The following CLCN5 variants were observed in gnomAD, a reference collection of about 807,000 sequenced individuals.
CLCN5 encodes the protein Cl-/H+ antiporter 5.
In CLCN5, 17 loss-of-function variants were observed where a neutral mutation model predicts 54.0. That is an observed-to-expected ratio of 0.31 (90% CI 0.22 to 0.47). The LOEUF (loss-of-function observed/expected upper bound fraction) is 0.47. Among genes scored for constraint, CLCN5 ranks in the 20% least tolerant of loss-of-function variants. The probability of loss-of-function intolerance (pLI) is 1.00; values close to 1 mark genes in which losing one functional copy is unlikely to be tolerated. For missense variants in CLCN5, 448 were observed against 646.7 expected (o/e 0.69, Z 3.33); for synonymous variants, 222 against 233.0 (o/e 0.95, Z 0.43).
chrX:49,948,449 GT>G (rs1232693575), intron 3 of CLCN5, among the ~76,000 whole-genome samples: 8 of 106,058 alleles, frequency 7.5e-5, no homozygotes, highest in Middle Eastern at 4.9e-3. Context: ...TGGTTGATGT[GT>G]TTTTTTTTTA....
Position 50,086,805 on chromosome X carries a change from A to G in CLCN5, c.1492A>G (p.Met498Val). The G allele has an allele frequency of 5.8e-6, 7 of 1,211,258 alleles. No homozygotes were observed. The highest frequency in any genetic ancestry group is 7.8e-6 in the Non-Finnish European group (7 of 895,304). Residue 498 changes from methionine to valine, a missense_variant, in exon 11 of 15, where the codon ATG (methionine) becomes GTG (valine). Transcript: ENST00000376091. The part of the protein sequence containing the change: ...RPAGVGVYSA[M>V]WQLALTLILK... The stretch of plus-strand genomic sequence containing the variant: ...GGCTGGCGTGGGAGTCTACAGTGCA[A>G]TGTGGCAGCTGGCTTTAACACTCAT...
intron 3 of CLCN5, among the ~76,000 whole-genome samples, chrX:50,031,305 T>A (rs1221251221): frequency 1.8e-5 from 2 of 111,740 alleles, no homozygotes; most frequent in African/African-American, 6.5e-5. Flanking sequence ...AAATATTAGT[T>A]TATTTGCTTC....
At chrX:50,070,120 A>T in intron 5 of CLCN5, 90 bp downstream of exon 5, 1 of 890,985 alleles carries the variant, frequency 1.1e-6, no homozygotes, top group Non-Finnish European at 1.6e-6. Flanking sequence ...TCCTTTCTTC[A>T]GCCCTGGATG....
At position 50,044,946 on chromosome X, in the gene CLCN5, A is replaced by T. The variant is rs1015482034; in HGVS notation, c.163+2484A>T. 4.5e-5 allele frequency among the ~76,000 whole-genome samples: 5 copies of T among 111,428 alleles called. No individual in the cohort carries two copies. In the Admixed American group the frequency reaches 4.8e-4, roughly 11 times the overall value. On this transcript the variant is annotated intron_variant, in intron 4 of 14. Coordinates refer to ENST00000376091, the MANE Select transcript of CLCN5 (RefSeq NM_001127898.4). ...TAGGCACTGGGGATACAGTGGTGGG[A>T]TTAAGACAAATATTGACCTAGAACT...
At chrX:50,062,041 T>C (rs782496222) in intron 4 of CLCN5, among the ~76,000 whole-genome samples, 7,914 of 101,748 alleles carry the variant, frequency 0.078, 1,234 homozygotes, top group African/African-American at 0.31. Flanking sequence ...CGGTACCAGC[T>C]GCTGCAAAAT....
intron 3 of CLCN5, among the ~76,000 whole-genome samples, chrX:49,931,521 T>C (rs1305899670): frequency 1.8e-5 from 2 of 111,259 alleles, no homozygotes; most frequent in Admixed American, 1.9e-4. Flanking sequence ...GTGAAAAAAC[T>C]GAAGACATAG....
At chrX:50,017,820 T>G (rs1557183795) in intron 3 of CLCN5, among the ~76,000 whole-genome samples, 1 of 111,853 alleles carries the variant, frequency 8.9e-6, no homozygotes, top group Non-Finnish European at 1.9e-5. Flanking sequence ...TCTGGATTTG[T>G]TCTGTTCTAT....
chrX:49,979,446 T>A (rs1188181003), intron 3 of CLCN5, among the ~76,000 whole-genome samples: 5 of 111,997 alleles, frequency 4.5e-5, no homozygotes, highest in Non-Finnish European at 9.4e-5. Context: ...AAGTCTCGTA[T>A]ATTGCTCATT....
At chrX:49,993,400 A>G (rs5953357) in intron 3 of CLCN5, among the ~76,000 whole-genome samples, 1 of 111,975 alleles carries the variant, frequency 8.9e-6, no homozygotes, top group South Asian at 3.7e-4. Context: ...TGTGTTTTTC[A>G]TGTGCTAAAT....
intron 4 of CLCN5, chrX:50,054,737 T>C (rs1245521260): frequency 2.7e-5 from 3 of 112,226 alleles, no homozygotes; most frequent in African/African-American, 9.7e-5. Context: ...CCAAGAAAGA[T>C]CATTGATTTT....
intron 3 of CLCN5, among the ~76,000 whole-genome samples, chrX:50,005,796 G>A (rs782784865): frequency 9.0e-6 from 1 of 111,208 alleles, no homozygotes; most frequent in East Asian, 2.8e-4. Context: ...AAAGCTCATC[G>A]CAGATACCTT....
chrX:49,932,330 T>A (rs1256801618), intron 3 of CLCN5, among the ~76,000 whole-genome samples: 2 of 112,765 alleles, frequency 1.8e-5, no homozygotes, highest in Non-Finnish European at 3.7e-5. Flanking sequence ...GATCCAAAGT[T>A]GTTGCACTGG....
chrX:50,013,575 C>T, intron 3 of CLCN5, among the ~76,000 whole-genome samples: 1 of 111,980 alleles, frequency 8.9e-6, no homozygotes, highest in South Asian at 3.8e-4. Context: ...CATGCATGTG[C>T]ACACACACAT....
At chrX:50,013,366 C>T (rs184464907) in intron 3 of CLCN5, 22 of 346,420 alleles carry the variant, frequency 6.4e-5, no homozygotes, top group Middle Eastern at 4.9e-4. Context: ...CCAAGTAGCC[C>T]GTGTTTATTG....
At chrX:50,026,870 G>A (rs988617669) in intron 3 of CLCN5, among the ~76,000 whole-genome samples, 4 of 111,530 alleles carry the variant, frequency 3.6e-5, no homozygotes, top group Non-Finnish European at 7.5e-5. Context: ...TATGATATGC[G>A]TAGGTATAGA....
At chrX:49,965,890 T>C (rs1386636891) in intron 3 of CLCN5, among the ~76,000 whole-genome samples, 5 of 112,335 alleles carry the variant, frequency 4.5e-5, no homozygotes, top group Non-Finnish European at 9.4e-5. Context: ...TTAATAGTCT[T>C]TTAATATGGC....
At chrX:50,047,379 TA>T (rs781860718) in intron 4 of CLCN5, among the ~76,000 whole-genome samples, 2 of 109,847 alleles carry the variant, frequency 1.8e-5, no homozygotes, top group South Asian at 3.9e-4. Flanking sequence ...CTTTTGAACT[TA>T]AAAAAAAAGT....
At chrX:50,068,012 A>G (rs1933097064) in intron 4 of CLCN5, 1 of 112,075 alleles carries the variant, frequency 8.9e-6, no homozygotes, top group Non-Finnish European at 1.9e-5. Context: ...TAATATCCTT[A>G]AAGGTGGGGG....
At chrX:50,091,223 C>G (rs1316173215) in intron 14 of CLCN5, among the ~76,000 whole-genome samples, 1 of 111,312 alleles carries the variant, frequency 9.0e-6, no homozygotes, top group Non-Finnish European at 1.9e-5. Context: ...GTGTTTGTTC[C>G]CTACAATCTC....
Sources: gnomAD v4.1 joint callset for allele counts (sites outside exome capture counted in the v4.1 genomes callset) on GRCh38, gnomAD v4.1.1 for gene constraint, MANE v1.5 for transcripts, NCBI Gene and HGNC (gene_info 2026-07-23, HGNC 2026-07-21) for gene names.